The following KCTD9 variants were observed in gnomAD, a reference collection of about 807,000 sequenced individuals.
The protein encoded by KCTD9 is potassium channel tetramerization domain containing 9, also known as BTB/POZ domain-containing protein KCTD9.
Under a neutral mutation model 53.3 loss-of-function variants are expected in KCTD9, and 17 were observed. That is an observed-to-expected ratio of 0.32 (90% confidence interval 0.22 to 0.48). The LOEUF is 0.48. KCTD9 is among the 20% of genes least tolerant of loss of function. KCTD9 has a pLI of 0.99. For missense variants in KCTD9, 179 were observed against 465.5 expected (o/e 0.38, Z 5.66); for synonymous variants, 128 against 162.7 (o/e 0.79, Z 1.62).
rs760710633 is a variant in KCTD9, at chr8:25,432,537, G to A, written c.1020C>T (p.Leu340=). Residue 340 remains leucine, a synonymous_variant, in exon 11 of 12, where the codon CTC becomes CTT. Coordinates refer to ENST00000221200, the MANE Select transcript of KCTD9 (RefSeq NM_017634.4). ...CAGTTCCTGCCAGAGTTGCTCCTCT[G>A]AGGTTACAGTTCTTCAACTTTGCAT... ...LKNAKLKNCN[L]RGATLAGTDL... is the part of the protein sequence containing the mutation. 2.3e-5 allele frequency: 37 copies of A among 1,612,646 alleles called. No homozygotes were observed. The highest frequency in any genetic ancestry group is 2.9e-5 in the Non-Finnish European group (34 of 1,179,770).
chr8:25,444,669 C>T (rs1355828792), intron 2 of KCTD9, among the ~76,000 whole-genome samples: 3 of 152,084 alleles, frequency 2.0e-5, no homozygotes, highest in Non-Finnish European at 2.9e-5. Flanking sequence ...GCCAACTATT[C>T]TTTTTTTCTT....
At chr8:25,438,097 T>C (rs918172904) in intron 6 of KCTD9, among the ~76,000 whole-genome samples, 3 of 152,026 alleles carry the variant, frequency 2.0e-5, no homozygotes, top group Non-Finnish European at 2.9e-5. Context: ...TTGAGAAACA[T>C]GAAAAAGAAA....
intron 11 of KCTD9, among the ~76,000 whole-genome samples, chr8:25,431,000 T>G (rs1801918334): frequency 6.6e-6 from 1 of 152,032 alleles, no homozygotes; most frequent in African/African-American, 2.4e-5. Context: ...TGGCTAATTT[T>G]TTCTATTTTT....
chr8:25,435,077 GATAA>G (rs1274654778), intron 9 of KCTD9, among the ~76,000 whole-genome samples: 6 of 152,104 alleles, frequency 3.9e-5, no homozygotes, highest in African/African-American at 9.7e-5. Flanking sequence ...TATGAGTCCT[GATAA>G]ATAAAGTACA....
chr8:25,441,693 A>G (rs1426530215), intron 3 of KCTD9, among the ~76,000 whole-genome samples: 1 of 152,146 alleles, frequency 6.6e-6, no homozygotes, highest in African/African-American at 2.4e-5. Flanking sequence ...AAAAGAGAAT[A>G]GCTTGAAAAA....
intron 1 of KCTD9, among the ~76,000 whole-genome samples, chr8:25,447,942 C>T (rs1486027635): frequency 6.6e-6 from 1 of 152,022 alleles, no homozygotes; most frequent in Non-Finnish European, 1.5e-5. Context: ...GCCTGGCCAA[C>T]ATGGTGAAAC....
At position 25,456,531 on chromosome 8, in the gene KCTD9, T is replaced by C. The variant is rs149652007; in HGVS notation, c.48+1668A>G. ...GTGAAGATCATGGCTTTGCTTCTTT[T>C]TATCTAGTACTCTCCAGTTTGGATT... On this transcript the variant is annotated intron_variant, in intron 1 of 11. Transcript: ENST00000221200. Among the ~76,000 whole-genome samples the C allele has an allele frequency of 2.2e-3, 328 of 152,336 alleles. 2 individuals carry two copies. In the South Asian group the frequency reaches 0.027, roughly 13 times the overall value.
chr8:25,432,465 C>A (rs201030198), intron 11 of KCTD9, 39 bp downstream of exon 11: 2 of 1,583,778 alleles, frequency 1.3e-6, no homozygotes, highest in Non-Finnish European at 8.6e-7. Context: ...CTTAGTAAGT[C>A]TAGAGTAATA....
chr8:25,436,607 G>T, intron 6 of KCTD9, 122 bp from the exon 7 acceptor site: 1 of 615,814 alleles, frequency 1.6e-6, no homozygotes, highest in Non-Finnish European at 2.8e-6. Context: ...TTTAAATGGA[G>T]CAGATCTGAA....
At chr8:25,445,782 T>C (rs1487831580) in intron 2 of KCTD9, among the ~76,000 whole-genome samples, 2 of 151,884 alleles carry the variant, frequency 1.3e-5, no homozygotes, top group Non-Finnish European at 2.9e-5. Context: ...TCTTAGGAAA[T>C]GATTAACAAG....
At chr8:25,448,765 A>C (rs1175213905) in intron 1 of KCTD9, among the ~76,000 whole-genome samples, 1 of 151,956 alleles carries the variant, frequency 6.6e-6, no homozygotes, top group Non-Finnish European at 1.5e-5. Context: ...AATACAAAAA[A>C]TTAGCCGGGC....
chr8:25,457,449 G>A, intron 1 of KCTD9: 3 of 841,022 alleles, frequency 3.6e-6, no homozygotes, highest in Non-Finnish European at 4.3e-6. Context: ...GTTTTGGCTT[G>A]CTCCAGCGCT....
rs573285793 is a variant in KCTD9 at position 25,437,213 on chromosome 8, G to A, written c.500-728C>T. On this transcript the variant is annotated intron_variant, in intron 6 of 11. Transcript: ENST00000221200. Reference sequence around the variant, plus strand: ...AGGCATCCAAAGATTATGCCATTCCGTTCGGATATATATCCCTGGTGGAAA... The same window carrying A: ...AGGCATCCAAAGATTATGCCATTCCATTCGGATATATATCCCTGGTGGAAA... 7.9e-5 allele frequency among the ~76,000 whole-genome samples: 12 copies of A among 152,232 alleles called. No individual in the cohort carries two copies. In the South Asian group the frequency reaches 1.7e-3, roughly 21 times the overall value.
chr8:25,449,575 T>A (rs1802280254), intron 1 of KCTD9, among the ~76,000 whole-genome samples: 1 of 152,180 alleles, frequency 6.6e-6, no homozygotes, highest in Admixed American at 6.5e-5. Flanking sequence ...GTGGGTCTAT[T>A]GTCTTCCGAT....
At chr8:25,440,271 G>A (rs1034023609) in intron 4 of KCTD9, among the ~76,000 whole-genome samples, 14 of 151,784 alleles carry the variant, frequency 9.2e-5, no homozygotes, top group African/African-American at 3.4e-4. Flanking sequence ...TTTTAGCCGG[G>A]ATGGTCTCGA....
chr8:25,457,292 T>C, intron 1 of KCTD9: 1 of 898,128 alleles, frequency 1.1e-6, no homozygotes, highest in African/African-American at 1.8e-5. Context: ...GAGACCCATT[T>C]ACCTTTACCT....
chr8:25,446,283 C>T, intron 1 of KCTD9, 33 bp from the exon 2 acceptor site: 2 of 1,608,698 alleles, frequency 1.2e-6, no homozygotes, highest in East Asian at 2.2e-5. Flanking sequence ...TGAACAATTT[C>T]TTTAATACAT....
In KCTD9 at chr8:25,458,283, C is replaced by G. The variant is rs1247294673; in HGVS notation, c.-37G>C. The G allele has an allele frequency of 6.2e-7, 1 of 1,608,372 alleles. No homozygotes were observed. Among genetic ancestry groups the G allele is most frequent in the Non-Finnish European group, 8.5e-7 (1 of 1,177,998 alleles). Reference sequence around the variant, plus strand: ...CGCTGGGTCCTGAGTGAGCCGCCACCCTCCCACCTGGTCCTCCTCCCACCT... The same window carrying G: ...CGCTGGGTCCTGAGTGAGCCGCCACGCTCCCACCTGGTCCTCCTCCCACCT... On this transcript the variant is annotated 5_prime_UTR_variant, in exon 1 of 12. Transcript: ENST00000221200.
intron 1 of KCTD9, among the ~76,000 whole-genome samples, chr8:25,450,772 T>A (rs979925503): frequency 2.6e-5 from 4 of 151,448 alleles, no homozygotes; most frequent in Admixed American, 6.6e-5. Context: ...ATTACAGGCA[T>A]GAGCCACCAC....
Sources: gnomAD v4.1 joint callset for allele counts (sites outside exome capture counted in the v4.1 genomes callset) on GRCh38, gnomAD v4.1.1 for gene constraint, MANE v1.5 for transcripts, NCBI Gene and HGNC (gene_info 2026-07-23, HGNC 2026-07-21) for gene names.